GNE: variants seen among roughly 807,000 people sequenced by gnomAD.
The protein encoded by GNE is bifunctional UDP-N-acetylglucosamine 2-epimerase/N-acetylmannosamine kinase.
Under a neutral mutation model 61.8 loss-of-function variants are expected in GNE, and 41 were observed. The observed-to-expected ratio is 0.66, with a 90% CI of 0.52 to 0.86. The LOEUF is 0.86. Among genes scored for constraint, GNE ranks in the 40% least tolerant of loss-of-function variants. The pLI is 0.00. For synonymous variants in GNE, 264 were observed against 326.4 expected (o/e 0.81, Z 2.06); for missense variants, 608 against 909.1 (o/e 0.67, Z 4.26).
At chr9:36,238,037 T>C (rs1389463924) in intron 3 of GNE, among the ~76,000 whole-genome samples, 2 of 151,880 alleles carry the variant, frequency 1.3e-5, no homozygotes, top group Admixed American at 1.3e-4. Flanking sequence ...GATACAGATA[T>C]AGATGTAGAT....
intron 3 of GNE, among the ~76,000 whole-genome samples, chr9:36,245,214 A>T (rs1358435447): frequency 1.3e-5 from 2 of 152,044 alleles, no homozygotes. Flanking sequence ...CAGTGAGCCG[A>T]GATTGTGCCA....
intron 1 of GNE, among the ~76,000 whole-genome samples, chr9:36,264,708 A>ACGGG (rs1830712014): frequency 2.0e-5 from 3 of 152,196 alleles, no homozygotes; most frequent in Admixed American, 2.0e-4. Flanking sequence ...ACCTTTAAAC[A>ACGGG]TGGGGCTTGC....
At position 36,217,444 on chromosome 9, in the gene GNE, A is replaced by G. The variant is rs1462602981; in HGVS notation, c.2090T>C (p.Val697Ala). 1 of 1,613,982 alleles carries G rather than the reference A, an allele frequency of 6.2e-7. No individual in the cohort carries two copies. Among genetic ancestry groups the G allele is most frequent in the Non-Finnish European group, 8.5e-7 (1 of 1,180,008 alleles). ...ALSSVQDVDV[V>A]VSDLVDPALL... is the part of the protein sequence containing the mutation. The stretch of plus-strand genomic sequence containing the variant: ...GGCGGGGTCAACCAAATCCGAAACC[A>G]CCACATCCACGTCCTGCACGGAGGA... The change falls in exon 12 of 12, where the codon GTG becomes GCG. Residue 697 changes from valine (V) to alanine (A), a missense_variant. Transcript: ENST00000642385.
At chr9:36,271,381 C>T (rs1831023031) in intron 1 of GNE, among the ~76,000 whole-genome samples, 1 of 152,118 alleles carries the variant, frequency 6.6e-6, no homozygotes, top group Non-Finnish European at 1.5e-5. Flanking sequence ...CTTTTTGTTT[C>T]ATTTTGTTTT....
intron 1 of GNE, among the ~76,000 whole-genome samples, chr9:36,253,348 T>C (rs1463591675): frequency 2.0e-5 from 3 of 151,192 alleles, no homozygotes; most frequent in Admixed American, 6.6e-5. Context: ...TGACCTTGGC[T>C]CACTGCAACT....
chr9:36,249,329 C>G lies in GNE; in HGVS notation c.27G>C (p.Lys9Asn). Residue 9 changes from lysine (K) to asparagine (N), a missense_variant, in exon 2 of 12, where the codon AAG (lysine) becomes AAC (asparagine). Coordinates refer to ENST00000642385, the MANE Select transcript of GNE (RefSeq NM_005476.7). MEKNGNNRKLRVCVATCNR... is the reference protein window; with the variant it reads MEKNGNNRNLRVCVATCNR... ...TACAAGTAGCAACACAAACCCGCAG[C>G]TTTCGGTTATTTCCATTCTTCTCCA... 1 of 1,613,994 alleles carries G rather than the reference C, an allele frequency of 6.2e-7. No individual in the cohort carries two copies. The highest frequency in any genetic ancestry group is 1.1e-5 in the South Asian group (1 of 91,080).
chr9:36,234,993 C>T (rs779645191), intron 4 of GNE, among the ~76,000 whole-genome samples: 3 of 152,082 alleles, frequency 2.0e-5, no homozygotes, highest in East Asian at 3.8e-4. Context: ...GTTGAGCATC[C>T]CTTATTCGAC....
chr9:36,224,826 T>C (rs1253453251), intron 7 of GNE, among the ~76,000 whole-genome samples: 1 of 151,772 alleles, frequency 6.6e-6, no homozygotes, highest in East Asian at 1.9e-4. Flanking sequence ...GCCGAGATCA[T>C]ACCACTGCAC....
intron 1 of GNE, among the ~76,000 whole-genome samples, chr9:36,252,074 C>T (rs1378862797): frequency 6.6e-6 from 1 of 151,584 alleles, no homozygotes; most frequent in Non-Finnish European, 1.5e-5. Context: ...CGACCTCCGC[C>T]TCCTGGGTTC....
chr9:36,223,587 T>C (rs1045376894), intron 7 of GNE, 85 bp from the exon 8 acceptor site: 1 of 1,371,920 alleles, frequency 7.3e-7, no homozygotes, highest in Non-Finnish European at 1.0e-6. Context: ...CATGACAAAT[T>C]AGACACTGCT....
intron 1 of GNE, among the ~76,000 whole-genome samples, chr9:36,266,481 A>C (rs568478618): frequency 8.5e-5 from 13 of 152,232 alleles, no homozygotes; most frequent in African/African-American, 3.1e-4. Flanking sequence ...GATTAAGATT[A>C]TATTGGCTGA....
rs529377390 is a variant in GNE at position 36,265,729 on chromosome 9, A to G, written c.51+11165T>C. ...GGGGGTGGGGATGGTTTCAGGATGA[A>G]ACTGTTCTACCTGAGATCATCAGGC... On this transcript the variant is annotated intron_variant, in intron 1 of 11. Transcript: ENST00000396594. 3.3e-5 allele frequency among the ~76,000 whole-genome samples: 5 copies of G among 152,104 alleles called. No homozygotes were observed. The South Asian group carries it at 1.0e-3, about 32-fold the overall frequency.
rs66781293 is a variant in GNE, at chr9:36,246,660, C to CTT, written c.165-180_165-179dup. ...AAGTGTAAACAGCCTGATTAAGATT[C>CTT]TTTTTTTTTTTTTTTTTTTTTTTTT... On this transcript the variant is annotated intron_variant, in intron 2 of 11. Transcript: ENST00000642385. 2.2e-3 allele frequency among the ~76,000 whole-genome samples: 265 copies of CTT among 119,048 alleles called. 6 individuals carry two copies. Among genetic ancestry groups the CTT allele is most frequent in the African/African-American group, 7.5e-3 (231 of 30,906 alleles). The allele number at this position is 119,048 out of a possible 152,430, so 78.1% of individuals were successfully genotyped here.
At chr9:36,261,503 A>C (rs1030969716), upstream of GNE, among the ~76,000 whole-genome samples, 3 of 149,964 alleles carry the variant, frequency 2.0e-5, no homozygotes, top group Admixed American at 2.0e-4. Flanking sequence ...CAGTGAGCCG[A>C]GATCGTGCCA....
intron 4 of GNE, among the ~76,000 whole-genome samples, chr9:36,235,861 CAAT>C (rs1224570458): frequency 1.3e-5 from 2 of 152,152 alleles, no homozygotes; most frequent in Non-Finnish European, 2.9e-5. Flanking sequence ...AAGAACTCAA[CAAT>C]GAGTGGTGTC....
At chr9:36,271,093 G>A (rs750539286) in intron 1 of GNE, among the ~76,000 whole-genome samples, 1 of 152,096 alleles carries the variant, frequency 6.6e-6, no homozygotes, top group Non-Finnish European at 1.5e-5. Context: ...ATGCCTAGGG[G>A]AACAAGTTTG....
Position 36,236,851 on chromosome 9 carries a change from C to T in GNE, c.750G>A (p.Leu250=), listed in dbSNP as rs1829415183. Residue 250 remains leucine (L), a synonymous_variant, in exon 4 of 12, where the codon CTG becomes CTA. Transcript: ENST00000642385. Reference sequence around the variant, plus strand: ...AATTACCTGCGTCAATATTTGGAAACAGGACTAGGGTCCGCTTGTTAAATG... The same window carrying T: ...AATTACCTGCGTCAATATTTGGAAATAGGACTAGGGTCCGCTTGTTAAATG... ...LISFNKRTLV[L]FPNIDAGSKE... The T allele has an allele frequency of 6.2e-7, 1 of 1,613,914 alleles. No individual in the cohort carries two copies. Among genetic ancestry groups the T allele is most frequent in the South Asian group, 1.1e-5 (1 of 91,084 alleles).
chr9:36,246,047 G>A lies in GNE; in HGVS notation c.600C>T (p.Ile200=), dbSNP rs7047950. 9,680 of 1,613,574 alleles carry A rather than the reference G, an allele frequency of 6.0e-3. 376 individuals are homozygous for A. In the African/African-American group the frequency reaches 0.092, roughly 15 times the overall value. Residue 200 remains isoleucine (I), a synonymous_variant, in exon 3 of 12, where the codon ATC becomes ATT. Coordinates refer to ENST00000642385, the MANE Select transcript of GNE (RefSeq NM_005476.7). ...GATACGTACCTAGCCACATGCGAAT[G>A]ATGCTCATGTAGTCTTTGTTCTTGG... ...LSAKNKDYMS[I]IRMWLGDDVK... is the part of the protein sequence containing the mutation.
In GNE at chr9:36,217,285, A is replaced by T; in HGVS notation, c.*80T>A. ...CAGTTCAATACCAGATTTGATTGTT[A>T]AGAAACGGTCATCCTAAAGACAAGA... On this transcript the variant is annotated 3_prime_UTR_variant, in exon 12 of 12. Coordinates refer to ENST00000642385, the MANE Select transcript of GNE (RefSeq NM_005476.7). 1 of 948,856 alleles carries T rather than the reference A, an allele frequency of 1.1e-6. No individual in the cohort carries two copies. The highest frequency in any genetic ancestry group is 1.7e-6 in the Non-Finnish European group (1 of 598,934). The allele number at this position is 948,856 out of a possible 1,614,324, so 58.8% of individuals were successfully genotyped here. A position where few individuals can be genotyped will look rare whatever the true frequency, so the allele number is the denominator to read the frequency against.
Sources: allele counts gnomAD v4.1 joint callset (sites outside exome capture counted in the v4.1 genomes callset), GRCh38; gene constraint gnomAD v4.1.1; transcripts MANE v1.5; gene names NCBI Gene and HGNC (gene_info 2026-07-23, HGNC 2026-07-21).